The following NKD1 variants were observed in gnomAD, a reference collection of about 807,000 sequenced individuals.
NKD1 encodes protein naked cuticle homolog 1.
In NKD1, 21 loss-of-function variants were observed where a neutral mutation model predicts 56.0. That is an observed-to-expected ratio of 0.38 (90% CI 0.27 to 0.54). The LOEUF is 0.54. Ranked by LOEUF, NKD1 falls within the 20% of genes least tolerant of loss-of-function variation. NKD1 has a pLI of 0.82. For missense variants in NKD1, 578 were observed against 642.7 expected (o/e 0.90, Z 1.09); for synonymous variants, 263 against 265.7 (o/e 0.99, Z 0.10).
In NKD1 at chr16:50,649,083, C is replaced by A. The variant is rs990626811; in HGVS notation, c.*15302C>A. 3.3e-5 allele frequency: 5 copies of A among 152,218 alleles called. No homozygotes were observed. Among genetic ancestry groups the A allele is most frequent in the African/African-American group, 1.2e-4 (5 of 41,466 alleles). The allele number at this position is 152,218 out of a possible 1,614,324, so 9.4% of individuals were successfully genotyped here. The stretch of plus-strand genomic sequence containing the variant: ...GTGAAATTGCTTTCCTGATAGCAAA[C>A]CTGTTGGATTTTCTCCAGAATCCCT... On this transcript the variant is annotated 3_prime_UTR_variant, in exon 10 of 10. Coordinates refer to ENST00000268459, the MANE Select transcript of NKD1 (RefSeq NM_033119.5).
chr16:50,608,102 C>A, intron 3 of NKD1, 192 bp from the exon 4 acceptor site: 6 of 596,942 alleles, frequency 1.0e-5, no homozygotes, highest in Non-Finnish European at 1.8e-5. Context: ...TGTGCTGATG[C>A]GTGTGGGTTT....
intron 5 of NKD1, among the ~76,000 whole-genome samples, chr16:50,622,139 G>T (rs8059551): frequency 0.023 from 3,539 of 152,300 alleles, 157 homozygotes; most frequent in African/African-American, 0.08. Flanking sequence ...GGACCCTGAC[G>T]CTCTCTGGGC....
intron 3 of NKD1, chr16:50,574,162 A>G (rs1408174795): frequency 3.1e-6 from 3 of 955,816 alleles, no homozygotes; most frequent in Non-Finnish European, 3.7e-6. Context: ...ATCCAAATGC[A>G]GGACTGCCTA....
At chr16:50,595,676 A>C (rs1011399393) in intron 3 of NKD1, among the ~76,000 whole-genome samples, 1 of 152,114 alleles carries the variant, frequency 6.6e-6, no homozygotes, top group Non-Finnish European at 1.5e-5. Flanking sequence ...TTGTTGGGTG[A>C]GGTACAAGTG....
At chr16:50,570,804 G>A (rs77652809) in intron 3 of NKD1, 36,499 of 985,198 alleles carry the variant, frequency 0.037, 771 homozygotes, top group Non-Finnish European at 0.041. Flanking sequence ...ATTAGCCTTG[G>A]TTTTTCCATC....
intron 3 of NKD1, among the ~76,000 whole-genome samples, chr16:50,579,607 G>A (rs899884725): frequency 2.3e-5 from 3 of 130,792 alleles, no homozygotes; most frequent in East Asian, 2.3e-4. Flanking sequence ...CGCTACACAC[G>A]CACTCTAACC....
chr16:50,612,499 C>T (rs534507461), intron 4 of NKD1, among the ~76,000 whole-genome samples: 20 of 152,274 alleles, frequency 1.3e-4, no homozygotes, highest in African/African-American at 4.8e-4. Context: ...CCAGCAGTCA[C>T]GACATTCACA....
At chr16:50,558,386 C>A (rs1262593312) in intron 3 of NKD1, 1 of 152,230 alleles carries the variant, frequency 6.6e-6, no homozygotes, top group Non-Finnish European at 1.5e-5. Flanking sequence ...CTTGTAGAAT[C>A]CTCACAACTG....
chr16:50,645,045 C>T lies in NKD1; in HGVS notation c.*11264C>T, dbSNP rs1437476443. 1.3e-5 allele frequency: 2 copies of T among 152,364 alleles called. No individual in the cohort carries two copies. The highest frequency in any genetic ancestry group is 3.9e-4 in the East Asian group (2 of 5,186). 9.4% of individuals were successfully genotyped at this position (152,364 alleles called of 1,614,324 possible). Reference sequence around the variant, plus strand: ...CTTGGCACTTCCTGCCCAGAAAGGACCTGCTCAGGCCTGGCTGGCCTTTAC... The same window carrying T: ...CTTGGCACTTCCTGCCCAGAAAGGATCTGCTCAGGCCTGGCTGGCCTTTAC... On this transcript the variant is annotated 3_prime_UTR_variant, in exon 10 of 10. Coordinates refer to ENST00000268459, the MANE Select transcript of NKD1 (RefSeq NM_033119.5).
chr16:50,620,158 G>A (rs1190017046), intron 4 of NKD1, among the ~76,000 whole-genome samples: 1 of 152,282 alleles, frequency 6.6e-6, no homozygotes, highest in East Asian at 1.9e-4. Context: ...TGGCGCCAAG[G>A]CGCAAGGACA....
At position 50,574,771 on chromosome 16, in the gene NKD1, C is replaced by T. The variant is rs1960957345; in HGVS notation, c.192+25216C>T. 3.0e-6 allele frequency: 3 copies of T among 985,296 alleles called. No individual in the cohort carries two copies. The African/African-American group carries it at 5.2e-5, about 17-fold the overall frequency. The allele number at this position is 985,296 out of a possible 1,614,324, so 61.0% of individuals were successfully genotyped here. ...CAAATGGCTCCCTCTCCCTTTTCTT[C>T]TGAGCCCTGTAAAAATAAAAAGTTA... On this transcript the variant is annotated intron_variant, in intron 3 of 9. Transcript: ENST00000268459.
In NKD1 at chr16:50,644,720, TTC is replaced by T. The variant is rs1962643713; in HGVS notation, c.*10941_*10942del. Reference sequence around the variant, plus strand: ...GGCCATCTTAGCCAACATCACCTGATTCTGTTTCCTCTGACTCTGTCCTCAAA... The same window carrying T: ...GGCCATCTTAGCCAACATCACCTGATTGTTTCCTCTGACTCTGTCCTCAAA... On this transcript the variant is annotated 3_prime_UTR_variant, in exon 10 of 10. Transcript: ENST00000268459. 6.6e-6 allele frequency: 1 copy of T among 152,270 alleles called. No individual in the cohort carries two copies. The highest frequency in any genetic ancestry group is 2.4e-5 in the African/African-American group (1 of 41,480). 9.4% of individuals were successfully genotyped at this position (152,270 alleles called of 1,614,324 possible).
chr16:50,553,158 G>A (rs1960427657), intron 3 of NKD1, among the ~76,000 whole-genome samples: 1 of 152,250 alleles, frequency 6.6e-6, no homozygotes, highest in East Asian at 1.9e-4. Context: ...AACACTGGGT[G>A]TGGAAAATAG....
intron 5 of NKD1, among the ~76,000 whole-genome samples, chr16:50,624,335 C>T (rs932728592): frequency 6.6e-6 from 1 of 152,164 alleles, no homozygotes; most frequent in African/African-American, 2.4e-5. Context: ...CTCACCACTT[C>T]GCGTCTCACA....
At chr16:50,582,617 A>G (rs1027861262) in intron 3 of NKD1, among the ~76,000 whole-genome samples, 2 of 152,168 alleles carry the variant, frequency 1.3e-5, no homozygotes, top group Admixed American at 6.5e-5. Context: ...TCATCCACGA[A>G]TTATCTGTGG....
At chr16:50,560,304 C>G (rs1960595418) in intron 3 of NKD1, among the ~76,000 whole-genome samples, 1 of 152,216 alleles carries the variant, frequency 6.6e-6, no homozygotes. Flanking sequence ...TGCCCGCGAG[C>G]TGCCCACTGT....
chr16:50,604,599 T>A (rs1365209290), intron 3 of NKD1, among the ~76,000 whole-genome samples: 2 of 152,186 alleles, frequency 1.3e-5, no homozygotes, highest in African/African-American at 4.8e-5. Context: ...TCGCCCCTGT[T>A]TACGAATGGG....
At chr16:50,564,149 G>C (rs1960707058) in intron 3 of NKD1, among the ~76,000 whole-genome samples, 1 of 152,278 alleles carries the variant, frequency 6.6e-6, no homozygotes. Context: ...ACATAGCTGT[G>C]TTCAGGCTTG....
At chr16:50,560,184 G>C (rs1320594322) in intron 3 of NKD1, among the ~76,000 whole-genome samples, 1 of 152,232 alleles carries the variant, frequency 6.6e-6, no homozygotes, top group Admixed American at 6.5e-5. Flanking sequence ...TTTTCAGCGG[G>C]CACTGGGGAC....
Sources: allele counts gnomAD v4.1 joint callset (sites outside exome capture counted in the v4.1 genomes callset), GRCh38; gene constraint gnomAD v4.1.1; transcripts MANE v1.5; gene names NCBI Gene and HGNC (gene_info 2026-07-23, HGNC 2026-07-21).